B9D1: variants seen among roughly 807,000 people sequenced by gnomAD.
B9D1 encodes B9 domain containing 1, also known as B9 domain-containing protein 1.
A neutral mutation model predicts 26.1 loss-of-function variants in B9D1; 20 were observed. The observed-to-expected ratio is 0.77, with a 90% CI of 0.54 to 1.12. The LOEUF is 1.12. B9D1 is among the 50% of genes most tolerant of loss of function. The pLI is 0.00. For synonymous variants in B9D1, 105 were observed against 103.1 expected (o/e 1.02, Z -0.11); for missense variants, 260 against 273.7 (o/e 0.95, Z 0.35).
chr17:19,341,342 G>T (rs1907939280), downstream of B9D1: 1 of 1,230,650 alleles, frequency 8.1e-7, no homozygotes. Flanking sequence ...ATAAAATGGG[G>T]CAGAGGACAG....
intron 5 of B9D1, chr17:19,346,862 C>T (rs910644736): frequency 9.6e-6 from 13 of 1,354,444 alleles, no homozygotes; most frequent in African/African-American, 5.9e-5. Flanking sequence ...TAAGCCTCTG[C>T]GCAAATGTCA....
chr17:19,369,994 T>C (rs1388300336), intron 1 of B9D1, among the ~76,000 whole-genome samples: 1 of 151,946 alleles, frequency 6.6e-6, no homozygotes, highest in African/African-American at 2.4e-5. Flanking sequence ...TTCCTGCAGA[T>C]TGAGAGAGGA....
downstream of B9D1, chr17:19,335,439 G>A (rs1907365361): frequency 6.5e-7 from 1 of 1,549,928 alleles, no homozygotes; most frequent in Admixed American, 2.0e-5. Context: ...TGTTTACAAT[G>A]GAAATCTGAA....
chr17:19,336,635 A>T (rs2152244080), downstream of B9D1: 1 of 152,724 alleles, frequency 6.5e-6, no homozygotes, highest in East Asian at 1.9e-4. Context: ...TCAGTCCCAG[A>T]GGCCGGTGGC....
At chr17:19,362,787 A>G, upstream of B9D1, 5 of 1,392,656 alleles carry the variant, frequency 3.6e-6, no homozygotes, top group Admixed American at 6.1e-5. Flanking sequence ...ATCCACGCCG[A>G]GGCTCCACCC....
intron 1 of B9D1, among the ~76,000 whole-genome samples, chr17:19,374,688 A>G (rs1385710400): frequency 6.6e-6 from 1 of 152,224 alleles, no homozygotes; most frequent in Admixed American, 6.5e-5. Context: ...TCGTAAAGGA[A>G]TATCATGCAG....
At chr17:19,355,195 G>A (rs1306809111) in intron 3 of B9D1, among the ~76,000 whole-genome samples, 2 of 151,964 alleles carry the variant, frequency 1.3e-5, no homozygotes, top group Non-Finnish European at 2.9e-5. Context: ...TCCTGCTTTT[G>A]GTTATCATAT....
downstream of B9D1, among the ~76,000 whole-genome samples, chr17:19,342,114 G>C (rs1407291001): frequency 6.6e-6 from 1 of 152,196 alleles, no homozygotes; most frequent in Non-Finnish European, 1.5e-5. Flanking sequence ...ACACACCCCT[G>C]CTCTAGGCTC....
rs937866517 is a variant in B9D1, at chr17:19,357,779, G to C, written c.244+61C>G. The C allele has an allele frequency of 3.7e-5, 46 of 1,232,544 alleles. No individual in the cohort carries two copies. The African/African-American group carries it at 6.7e-4, about 18-fold the overall frequency. The allele number at this position is 1,232,544 out of a possible 1,614,324, so 76.4% of individuals were successfully genotyped here. On this transcript the variant is annotated intron_variant, in intron 3 of 6. Transcript: ENST00000261499. Reference sequence around the variant, plus strand: ...TCATGGGCTGGATGAGGCAGAGGCTGTCTTGGGGGTGCTGTGTGAAAGCTC... The same window carrying C: ...TCATGGGCTGGATGAGGCAGAGGCTCTCTTGGGGGTGCTGTGTGAAAGCTC...
At chr17:19,336,720 G>C (rs1263097029), downstream of B9D1, 1 of 152,576 alleles carries the variant, frequency 6.6e-6, no homozygotes, top group Non-Finnish European at 1.5e-5. Flanking sequence ...CCATGATGCG[G>C]TTTCTGGCTG....
intron 1 of B9D1, among the ~76,000 whole-genome samples, chr17:19,376,572 G>C (rs1912116037): frequency 7.4e-6 from 1 of 134,884 alleles, no homozygotes; most frequent in Non-Finnish European, 1.5e-5. Flanking sequence ...TTGAGGTCAG[G>C]AGTTCGAGAC....
rs773267624 is a variant in B9D1 at position 19,357,941 on chromosome 17, T to C, written c.143A>G (p.Glu48Gly). The change falls in exon 3 of 7, where the codon GAG becomes GGG. Residue 48 changes from glutamate (E) to glycine (G), a missense_variant. By Grantham distance (98) the Glu-to-Gly change is moderately conservative (BLOSUM62 -2). Transcript: ENST00000261499. The part of the protein sequence containing the change: ...QDWAPTAGLE[E>G]GISQITSKSQ... Reference sequence around the variant, plus strand: ...CTTGGATGTGATCTGTGAGATCCCCTCCTCCAGACCCTGTGAGGACAGTGA... The same window carrying C: ...CTTGGATGTGATCTGTGAGATCCCCCCCTCCAGACCCTGTGAGGACAGTGA... 1.6e-5 allele frequency: 26 copies of C among 1,613,638 alleles called. No individual in the cohort carries two copies. Among genetic ancestry groups the C allele is most frequent in the Non-Finnish European group, 2.1e-5 (25 of 1,179,720 alleles).
chr17:19,343,215 T>C lies in B9D1; in HGVS notation c.*104A>G. 1 of 1,575,466 alleles carries C rather than the reference T, an allele frequency of 6.3e-7. No homozygotes were observed. Among genetic ancestry groups the C allele is most frequent in the Non-Finnish European group, 8.6e-7 (1 of 1,165,708 alleles). Reference sequence around the variant, plus strand: ...CTTTATTATACAAAACTATTCTGTGTGCCCCCAGCTCTGGCCACCAGGCTG... The same window carrying C: ...CTTTATTATACAAAACTATTCTGTGCGCCCCCAGCTCTGGCCACCAGGCTG... On this transcript the variant is annotated 3_prime_UTR_variant, in exon 7 of 7. Transcript: ENST00000261499.
upstream of B9D1, chr17:19,362,937 A>T (rs1345292194): frequency 1.1e-5 from 4 of 376,216 alleles, no homozygotes; most frequent in African/African-American, 8.4e-5. Flanking sequence ...TCCCCGCCGA[A>T]GCGCAGAGGC....
intron 1 of B9D1, among the ~76,000 whole-genome samples, chr17:19,361,811 T>C (rs886614849): frequency 1.1e-4 from 16 of 152,186 alleles, no homozygotes; most frequent in Admixed American, 5.2e-4. Context: ...TGAGGTCAGA[T>C]AGGCGTGGGT....
downstream of B9D1, chr17:19,335,165 ATGTT>A (rs1390545029): frequency 4.2e-4 from 158 of 372,452 alleles, 1 homozygote; most frequent in Non-Finnish European, 1.7e-4. Context: ...ATAGATGATG[ATGTT>A]TATTTAAAAA....
chr17:19,343,610 C>A, intron 6 of B9D1, 149 bp from the exon 7 acceptor site: 1 of 1,571,916 alleles, frequency 6.4e-7, no homozygotes. Flanking sequence ...AAAGGGGCTG[C>A]CGGGACAGGC....
At chr17:19,349,054 T>A (rs772967512) in intron 3 of B9D1, among the ~76,000 whole-genome samples, 1 of 152,140 alleles carries the variant, frequency 6.6e-6, no homozygotes, top group East Asian at 1.9e-4. Context: ...ACAGGGCCCA[T>A]GTATGTTCCC....
downstream of B9D1, chr17:19,343,133 G>T: frequency 7.0e-7 from 1 of 1,431,586 alleles, no homozygotes; most frequent in Non-Finnish European, 9.1e-7. Flanking sequence ...GCTCCTGTGG[G>T]GGAGGGGCTA....
Sources: allele counts gnomAD v4.1 joint callset (sites outside exome capture counted in the v4.1 genomes callset), GRCh38; gene constraint gnomAD v4.1.1; transcripts MANE v1.5; gene names NCBI Gene and HGNC (gene_info 2026-07-23, HGNC 2026-07-21).